The following CWC27 variants were observed in gnomAD, a reference collection of about 807,000 sequenced individuals.
CWC27 encodes spliceosome-associated protein CWC27 homolog.
A neutral mutation model predicts 63.6 loss-of-function variants in CWC27; 47 were observed. The ratio of observed to expected loss-of-function variants is 0.74; its 90% CI spans 0.58 to 0.94. The LOEUF (loss-of-function observed/expected upper bound fraction) is 0.94, where lower values mean the gene tolerates loss of function less well. Ranked by LOEUF, CWC27 falls within the 40% of genes least tolerant of loss-of-function variation. The probability of loss-of-function intolerance (pLI) is 0.00; values close to 1 mark genes in which losing one functional copy is unlikely to be tolerated. For synonymous variants in CWC27, 175 were observed against 179.8 expected (o/e 0.97, Z 0.22); for missense variants, 495 against 554.3 (o/e 0.89, Z 1.07).
Position 64,885,186 on chromosome 5 carries a change from A to T in CWC27, c.939-257A>T, listed in dbSNP as rs112622534. On this transcript the variant is annotated intron_variant, in intron 10 of 13. Coordinates refer to ENST00000381070, the MANE Select transcript of CWC27 (RefSeq NM_005869.4). The stretch of plus-strand genomic sequence containing the variant: ...TTAAATTTGTTAGTGAATTAGGAAG[A>T]TAATGGGTCATTTATCACATATTTG... Among the ~76,000 whole-genome samples the T allele has an allele frequency of 8.9e-3, 1,356 of 152,248 alleles. 20 individuals carry two copies. The highest frequency in any genetic ancestry group is 0.031 in the Middle Eastern group (9 of 294).
chr5:64,830,178 C>T, intron 10 of CWC27, among the ~76,000 whole-genome samples: 1 of 151,240 alleles, frequency 6.6e-6, no homozygotes, highest in South Asian at 2.1e-4. Flanking sequence ...CTCCCCCGGC[C>T]CCCCATGACA....
intron 11 of CWC27, among the ~76,000 whole-genome samples, chr5:64,895,057 TCTAG>T (rs1747336549): frequency 6.6e-6 from 1 of 152,176 alleles, no homozygotes; most frequent in Non-Finnish European, 1.5e-5. Flanking sequence ...TCTTGGGAAC[TCTAG>T]CAACAAGGCA....
intron 7 of CWC27, among the ~76,000 whole-genome samples, chr5:64,795,463 T>C (rs1744232142): frequency 6.6e-6 from 1 of 152,290 alleles, no homozygotes; most frequent in South Asian, 2.1e-4. Flanking sequence ...TAGGTTTCAC[T>C]GGGCTAAATA....
chr5:64,931,289 A>G (rs1748232496), intron 11 of CWC27, among the ~76,000 whole-genome samples: 1 of 151,920 alleles, frequency 6.6e-6, no homozygotes, highest in Admixed American at 6.6e-5. Flanking sequence ...ATTAATATAT[A>G]TTTATGCACT....
chr5:64,986,241 C>T (rs1749424473), intron 13 of CWC27, among the ~76,000 whole-genome samples: 1 of 152,158 alleles, frequency 6.6e-6, no homozygotes, highest in African/African-American at 2.4e-5. Context: ...TGTAAGGATA[C>T]ATTTAGTTTT....
intron 13 of CWC27, among the ~76,000 whole-genome samples, chr5:65,004,861 C>CATATATATAT (rs1170127729): frequency 8.6e-4 from 39 of 45,464 alleles, no homozygotes; most frequent in South Asian, 4.7e-3. Flanking sequence ...AAGACTTTTT[C>CATATATATAT]ATATATATAT....
At chr5:64,879,252 AATGGTAAATTTG>A (rs1746878094) in intron 10 of CWC27, among the ~76,000 whole-genome samples, 1 of 151,994 alleles carries the variant, frequency 6.6e-6, no homozygotes. Flanking sequence ...TCACTTTTAA[AATGGTAAATTTG>A]ATGCATTTGT....
chr5:64,932,322 G>A (rs1483331961), intron 11 of CWC27, among the ~76,000 whole-genome samples: 3 of 151,508 alleles, frequency 2.0e-5, no homozygotes, highest in Admixed American at 6.6e-5. Context: ...TTCCAAAGTG[G>A]TTATTACCAA....
chr5:65,009,962 G>A (rs1749917356), intron 13 of CWC27, among the ~76,000 whole-genome samples: 2 of 152,190 alleles, frequency 1.3e-5, no homozygotes, highest in South Asian at 4.1e-4. Context: ...GCCACGTGAG[G>A]TAAATAGGTT....
rs116836258 is a variant in CWC27, at chr5:64,906,101, C to T, written c.1042+20555C>T. Among the ~76,000 whole-genome samples, 843 of 152,068 alleles carry T rather than the reference C, an allele frequency of 5.5e-3. 9 individuals are homozygous for T. The highest frequency in any genetic ancestry group is 0.019 in the African/African-American group (770 of 41,494). On this transcript the variant is annotated intron_variant, in intron 11 of 13. Transcript: ENST00000381070. ...TCATTGATAGACATTTAGGTGGGTTCGAAGTCTTTGTTATTATGAGTAGTG... is the reference window on the plus strand; with the variant it reads ...TCATTGATAGACATTTAGGTGGGTTTGAAGTCTTTGTTATTATGAGTAGTG...
At chr5:64,954,586 C>T (rs1748769470) in intron 11 of CWC27, among the ~76,000 whole-genome samples, 1 of 151,470 alleles carries the variant, frequency 6.6e-6, no homozygotes, top group Non-Finnish European at 1.5e-5. Flanking sequence ...TGCACAGCCC[C>T]CTATTATATT....
chr5:64,776,311 A>G (rs910655630), intron 2 of CWC27, among the ~76,000 whole-genome samples: 1 of 152,144 alleles, frequency 6.6e-6, no homozygotes, highest in Non-Finnish European at 1.5e-5. Context: ...CTCAAGTTTT[A>G]CAGAAGGAGA....
At chr5:64,905,272 A>G (rs952053689) in intron 11 of CWC27, among the ~76,000 whole-genome samples, 1 of 151,062 alleles carries the variant, frequency 6.6e-6, no homozygotes, top group Non-Finnish European at 1.5e-5. Flanking sequence ...CTTCATGATT[A>G]CTACCTTCTC....
At chr5:65,008,572 T>C (rs1412393252) in intron 13 of CWC27, among the ~76,000 whole-genome samples, 1 of 152,206 alleles carries the variant, frequency 6.6e-6, no homozygotes, top group Non-Finnish European at 1.5e-5. Flanking sequence ...AAGAAAGTGC[T>C]AGAAGAAAAT....
intron 10 of CWC27, among the ~76,000 whole-genome samples, chr5:64,846,639 G>A (rs1485161212): frequency 6.6e-6 from 1 of 152,060 alleles, no homozygotes; most frequent in Non-Finnish European, 1.5e-5. Context: ...AATCACAAAG[G>A]AAGACAGCAA....
At chr5:64,976,532 T>TTTTATTTA (rs950088889) in intron 12 of CWC27, among the ~76,000 whole-genome samples, 1 of 151,898 alleles carries the variant, frequency 6.6e-6, no homozygotes, top group African/African-American at 2.4e-5. Context: ...TTTTATTTTA[T>TTTTATTTA]TTTATTTATT....
intron 11 of CWC27, among the ~76,000 whole-genome samples, chr5:64,954,354 T>C (rs1672131880): frequency 6.6e-6 from 1 of 152,142 alleles, no homozygotes; most frequent in Non-Finnish European, 1.5e-5. Context: ...AGTAGCACAA[T>C]CATGGCTCAC....
Position 64,793,265 on chromosome 5 carries a change from C to T in CWC27, c.669+4245C>T, listed in dbSNP as rs575901955. The stretch of plus-strand genomic sequence containing the variant: ...CCACCAACAACCCATTCTTCACATG[C>T]GATTGGATCTTGGCACACTGCAGAA... On this transcript the variant is annotated intron_variant, in intron 7 of 13. Coordinates refer to ENST00000381070, the MANE Select transcript of CWC27 (RefSeq NM_005869.4). 5.3e-5 allele frequency among the ~76,000 whole-genome samples: 8 copies of T among 152,100 alleles called. No homozygotes were observed. In the East Asian group the frequency reaches 1.2e-3, roughly 22 times the overall value.
At chr5:64,769,290 G>C (rs959943210) in intron 1 of CWC27, 102 bp downstream of exon 1, 2 of 994,102 alleles carry the variant, frequency 2.0e-6, no homozygotes, top group Non-Finnish European at 3.2e-6. Flanking sequence ...GGTAGGAAGA[G>C]ACCACGAGAA....
Sources: gnomAD v4.1 joint callset for allele counts (sites outside exome capture counted in the v4.1 genomes callset) on GRCh38, gnomAD v4.1.1 for gene constraint, MANE v1.5 for transcripts, NCBI Gene and HGNC (gene_info 2026-07-23, HGNC 2026-07-21) for gene names.